OSBPL8: variants seen among roughly 807,000 people sequenced by gnomAD.
OSBPL8 encodes oxysterol binding protein like 8.
Under a neutral mutation model 125.5 loss-of-function variants are expected in OSBPL8, and 59 were observed. The ratio of observed to expected loss-of-function variants is 0.47; its 90% confidence interval spans 0.38 to 0.58. The LOEUF (loss-of-function observed/expected upper bound fraction) is 0.58. Among genes scored for constraint, OSBPL8 ranks in the 20% least tolerant of loss-of-function variants. The pLI is 0.00. For synonymous variants in OSBPL8, 330 were observed against 338.9 expected (o/e 0.97, Z 0.29); for missense variants, 758 against 1,047.8 (o/e 0.72, Z 3.82).
intron 1 of OSBPL8, among the ~76,000 whole-genome samples, chr12:76,527,755 C>A (rs1950219007): frequency 6.6e-6 from 1 of 152,172 alleles, no homozygotes; most frequent in African/African-American, 2.4e-5. Flanking sequence ...GAGTCCTGAG[C>A]TTAGGGAACC....
At chr12:76,398,551 C>T (rs1418940253) in intron 7 of OSBPL8, among the ~76,000 whole-genome samples, 1 of 152,136 alleles carries the variant, frequency 6.6e-6, no homozygotes, top group African/African-American at 2.4e-5. Context: ...TCTAAAACTA[C>T]TTTTTCTATA....
intron 3 of OSBPL8, among the ~76,000 whole-genome samples, chr12:76,455,790 A>C (rs910691446): frequency 2.6e-5 from 4 of 152,226 alleles, no homozygotes; most frequent in African/African-American, 7.2e-5. Context: ...TAAGAGGGAC[A>C]GTGACTTTTT....
At chr12:76,453,572 A>T (rs565307286) in intron 3 of OSBPL8, among the ~76,000 whole-genome samples, 2 of 152,284 alleles carry the variant, frequency 1.3e-5, no homozygotes, top group Admixed American at 6.5e-5. Context: ...ACACACAAAG[A>T]ATAGTTCTAT....
intron 1 of OSBPL8, among the ~76,000 whole-genome samples, chr12:76,536,284 A>G (rs775748888): frequency 6.6e-6 from 1 of 152,092 alleles, no homozygotes; most frequent in Non-Finnish European, 1.5e-5. Flanking sequence ...GTCAAAAGTT[A>G]GAGACCTGCC....
chr12:76,415,866 A>C (rs1046588170), intron 4 of OSBPL8, among the ~76,000 whole-genome samples: 15 of 152,130 alleles, frequency 9.9e-5, no homozygotes, highest in African/African-American at 3.6e-4. Flanking sequence ...TCTTTTTCCA[A>C]GAATTTTAGG....
chr12:76,548,013 A>C (rs372769914), intron 1 of OSBPL8, among the ~76,000 whole-genome samples: 1 of 152,270 alleles, frequency 6.6e-6, no homozygotes, highest in South Asian at 2.1e-4. Context: ...TGATCATCAT[A>C]ATTTCTATGA....
Position 76,352,784 on chromosome 12 carries a change from T to C in OSBPL8, c.*3105A>G, listed in dbSNP as rs1442283490. 1 of 152,542 alleles carries C rather than the reference T, an allele frequency of 6.6e-6. No individual in the cohort carries two copies. Among genetic ancestry groups the C allele is most frequent in the Non-Finnish European group, 1.5e-5 (1 of 67,942 alleles). The allele number at this position is 152,542 out of a possible 1,614,324, so 9.4% of individuals were successfully genotyped here. A position where few individuals can be genotyped will look rare whatever the true frequency, so the allele number is the denominator to read the frequency against. On this transcript the variant is annotated 3_prime_UTR_variant, in exon 24 of 24. Coordinates refer to ENST00000261183, the MANE Select transcript of OSBPL8 (RefSeq NM_020841.5). ...TTGTTTTCTTAAATTTTGACAGATA[T>C]TCTTCAGAAAGTTAAAACTGCCTTC... is the stretch of plus-strand genomic sequence containing the variant.
intron 12 of OSBPL8, 140 bp downstream of exon 12, chr12:76,389,505 A>G (rs1953467149): frequency 1.6e-6 from 1 of 629,900 alleles, no homozygotes; most frequent in Non-Finnish European, 2.5e-6. Flanking sequence ...CTAAGGGTCA[A>G]CCACAGAAGT....
chr12:76,542,220 C>T (rs1168125454), intron 1 of OSBPL8, among the ~76,000 whole-genome samples: 1 of 152,122 alleles, frequency 6.6e-6, no homozygotes, highest in African/African-American at 2.4e-5. Flanking sequence ...GCTTACTTCA[C>T]CACTCCCTCC....
At chr12:76,492,225 A>G (rs4315130) in intron 1 of OSBPL8, among the ~76,000 whole-genome samples, 149,904 of 152,240 alleles carry the variant, frequency 0.98, 73,802 homozygotes, top group East Asian at 1. Flanking sequence ...AAGTAGGGAG[A>G]AAATTAGCTA....
At chr12:76,386,793 C>T (rs965595163) in intron 12 of OSBPL8, 133 bp from the exon 13 acceptor site, 2 of 583,060 alleles carry the variant, frequency 3.4e-6, no homozygotes, top group African/African-American at 1.9e-5. Flanking sequence ...GACAAAACAA[C>T]CATGTAATCA....
chr12:76,354,284 T>C lies in OSBPL8; in HGVS notation c.*1605A>G, dbSNP rs1420902831. 6.6e-6 allele frequency: 1 copy of C among 152,028 alleles called. No individual in the cohort carries two copies. Among genetic ancestry groups the C allele is most frequent in the East Asian group, 1.9e-4 (1 of 5,200 alleles). The allele number at this position is 152,028 out of a possible 1,614,324, so 9.4% of individuals were successfully genotyped here. On this transcript the variant is annotated 3_prime_UTR_variant, in exon 24 of 24. Coordinates refer to ENST00000261183, the MANE Select transcript of OSBPL8 (RefSeq NM_020841.5). ...TCACATGTACATATGGAATACAGCA[T>C]TATTTTGCCAAGAAAACATGGGAAA...
chr12:76,517,372 TATAAAG>T (rs979435792), intron 1 of OSBPL8, among the ~76,000 whole-genome samples: 2 of 152,222 alleles, frequency 1.3e-5, no homozygotes, highest in African/African-American at 2.4e-5. Flanking sequence ...AATTTTTAAT[TATAAAG>T]ATAAACTAAT....
intron 1 of OSBPL8, among the ~76,000 whole-genome samples, chr12:76,497,193 A>AT (rs60754492): frequency 0.034 from 4,939 of 144,732 alleles, 90 homozygotes; most frequent in Middle Eastern, 0.078. Flanking sequence ...GAATCAGCAA[A>AT]TTTTTTTTTT....
At chr12:76,418,963 T>C (rs1353185471) in intron 4 of OSBPL8, among the ~76,000 whole-genome samples, 1 of 151,932 alleles carries the variant, frequency 6.6e-6, no homozygotes, top group African/African-American at 2.4e-5. Context: ...AGGCTGGGCA[T>C]GATGGCTCAT....
intron 1 of OSBPL8, among the ~76,000 whole-genome samples, chr12:76,556,152 A>G (rs1250999197): frequency 1.3e-5 from 2 of 152,190 alleles, no homozygotes; most frequent in African/African-American, 4.8e-5. Context: ...CTCCAGTCAT[A>G]TATCTGGAAG....
At chr12:76,393,762 G>A (rs917918306) in intron 9 of OSBPL8, among the ~76,000 whole-genome samples, 5 of 141,158 alleles carry the variant, frequency 3.5e-5, no homozygotes, top group African/African-American at 5.2e-5. Flanking sequence ...GATGGCTCAC[G>A]CCTGTAACCC....
intron 4 of OSBPL8, among the ~76,000 whole-genome samples, chr12:76,418,563 G>A (rs959988874): frequency 6.6e-5 from 10 of 152,236 alleles, no homozygotes; most frequent in African/African-American, 1.9e-4. Flanking sequence ...AGATGAGGTG[G>A]CTCATGCCTG....
At chr12:76,413,175 T>C (rs1027452545) in intron 4 of OSBPL8, among the ~76,000 whole-genome samples, 5 of 152,140 alleles carry the variant, frequency 3.3e-5, no homozygotes, top group Admixed American at 6.5e-5. Flanking sequence ...CATAAATGTA[T>C]AACAGAGAAT....
Sources: allele counts gnomAD v4.1 joint callset (sites outside exome capture counted in the v4.1 genomes callset), GRCh38; gene constraint gnomAD v4.1.1; transcripts MANE v1.5; gene names NCBI Gene and HGNC (gene_info 2026-07-23, HGNC 2026-07-21).